LIMK2: variants seen among roughly 807,000 people sequenced by gnomAD.
LIMK2 encodes the protein LIM domain kinase 2.
Under a neutral mutation model 75.7 loss-of-function variants are expected in LIMK2, and 35 were observed. The ratio of observed to expected loss-of-function variants is 0.46; its 90% CI spans 0.35 to 0.61. LIMK2 has a LOEUF of 0.61. LIMK2 is among the 20% of genes least tolerant of loss of function. The pLI is 0.00. For missense variants in LIMK2, 623 were observed against 831.0 expected, an observed-to-expected ratio of 0.75 and a Z score of 3.08; for synonymous variants, 301 against 319.2, an observed-to-expected ratio of 0.94 and a Z score of 0.61.
In LIMK2 at chr22:31,262,889, G is replaced by C. The variant is rs1273782714; in HGVS notation, c.854+98G>C. On this transcript the variant is annotated intron_variant, in intron 7 of 15. Transcript: ENST00000331728. This position sits in a 1 kb window ranked among gnomAD's most constrained non-coding sequence, Gnocchi z 5.0. ...GCCTGCAGAGTTAGGAAAGGAACCA[G>C]CTGGCCAGGGACAGACTATGAGGAT... The C allele has an allele frequency of 9.0e-7, 1 of 1,115,124 alleles. No homozygotes were observed. The highest frequency in any genetic ancestry group is 2.7e-5 in the East Asian group (1 of 37,234). 69.1% of individuals were successfully genotyped at this position (1,115,124 alleles called of 1,614,324 possible).
intron 2 of LIMK2, among the ~76,000 whole-genome samples, chr22:31,253,610 T>C (rs1459431738): frequency 6.6e-6 from 1 of 152,256 alleles, no homozygotes; most frequent in Non-Finnish European, 1.5e-5. Context: ...GAGGCTCAGC[T>C]GTTGAGATGT....
rs367613402 is a variant in LIMK2, at chr22:31,248,880, G to T, written c.117-9411G>T. 2.6e-5 allele frequency: 31 copies of T among 1,189,540 alleles called. No homozygotes were observed. The Middle Eastern group carries it at 6.3e-4, about 24-fold the overall frequency. 73.7% of individuals were successfully genotyped at this position (1,189,540 alleles called of 1,614,324 possible). ...TTAGTCCTTTACCATCGGTTCTGCCGGGCAGAAGCCAGCGGAGGTTATACC... is the reference window on the plus strand; with the variant it reads ...TTAGTCCTTTACCATCGGTTCTGCCTGGCAGAAGCCAGCGGAGGTTATACC... On this transcript the variant is annotated intron_variant, in intron 2 of 15. Coordinates refer to ENST00000331728, the MANE Select transcript of LIMK2 (RefSeq NM_005569.4).
rs139828174 is a variant in LIMK2 at position 31,226,766 on chromosome 22, C to A, written c.116+947C>A. On this transcript the variant is annotated intron_variant, in intron 2 of 15. Coordinates refer to ENST00000331728, the MANE Select transcript of LIMK2 (RefSeq NM_005569.4). ...GTGGGACTCCAGGCACCTGCCACCA[C>A]GCCCAGCTAATTTTTGTATTTTTAG... Among the ~76,000 whole-genome samples, 1,395 of 152,262 alleles carry A rather than the reference C, an allele frequency of 9.2e-3. 6 individuals carry two copies. Among genetic ancestry groups the A allele is most frequent in the Non-Finnish European group, 9.4e-3 (639 of 68,010 alleles).
intron 12 of LIMK2, 25 bp downstream of exon 12, chr22:31,271,226 G>A: frequency 1.2e-6 from 2 of 1,605,038 alleles, no homozygotes; most frequent in East Asian, 2.2e-5. Flanking sequence ...TCTGGGCCTG[G>A]CCTCCAGGGT....
At chr22:31,260,526 G>A (rs913921648) in intron 5 of LIMK2, among the ~76,000 whole-genome samples, 1 of 152,180 alleles carries the variant, frequency 6.6e-6, no homozygotes, top group Non-Finnish European at 1.5e-5. Flanking sequence ...AGAAAATGTG[G>A]TCCATGGCCC....
At chr22:31,276,563 C>G (rs975596314) in intron 15 of LIMK2, among the ~76,000 whole-genome samples, 4 of 145,580 alleles carry the variant, frequency 2.7e-5, no homozygotes, top group Non-Finnish European at 6.1e-5. Flanking sequence ...GCTGCAGCTG[C>G]CCCCGGGCGC....
chr22:31,240,258 A>G (rs768606526), intron 2 of LIMK2, among the ~76,000 whole-genome samples: 10 of 152,118 alleles, frequency 6.6e-5, no homozygotes, highest in Non-Finnish European at 1.3e-4. Flanking sequence ...GATGCCCTAT[A>G]GAGATTTTGC....
chr22:31,264,978 G>A (rs536996096), intron 7 of LIMK2, among the ~76,000 whole-genome samples: 1 of 152,234 alleles, frequency 6.6e-6, no homozygotes, highest in African/African-American at 2.4e-5. Flanking sequence ...TGGATCGCGA[G>A]ATCAGGAGTT....
At chr22:31,228,634 T>C (rs1007664083) in intron 2 of LIMK2, among the ~76,000 whole-genome samples, 2 of 151,984 alleles carry the variant, frequency 1.3e-5, no homozygotes, top group Admixed American at 6.5e-5. Context: ...ATCTGACATA[T>C]AGAAAACTCT....
intron 14 of LIMK2, among the ~76,000 whole-genome samples, chr22:31,274,075 G>A (rs1382835244): frequency 6.6e-6 from 1 of 151,500 alleles, no homozygotes; most frequent in Non-Finnish European, 1.5e-5. Context: ...GGTCGATAAG[G>A]GGCAGATGAG....
intron 1 of LIMK2, among the ~76,000 whole-genome samples, chr22:31,220,916 A>T (rs866520444): frequency 3.1e-4 from 47 of 152,182 alleles, no homozygotes; most frequent in African/African-American, 1.0e-3. Context: ...GTGAGCCGAG[A>T]TTGTGCCATT....
At chr22:31,223,560 A>G (rs1022385557) in intron 1 of LIMK2, among the ~76,000 whole-genome samples, 1 of 152,206 alleles carries the variant, frequency 6.6e-6, no homozygotes, top group African/African-American at 2.4e-5. Context: ...TACATGTAAG[A>G]GTTCCAAAAA....
Position 31,275,252 on chromosome 22 carries a change from TCC to T in LIMK2, c.1720_1721del (p.Pro574GlyfsTer15), listed in dbSNP as rs768998283. On this transcript the variant is annotated frameshift_variant, in exon 15 of 16. Transcript: ENST00000331728. LOFTEE classifies it high-confidence loss of function. Reference sequence around the variant, plus strand: ...GGGAGAAGTTTGTTCCCACAGATTGTCCCCCGGCCTTCTTCCCGCTGGCCGCC... The same window carrying T: ...GGGAGAAGTTTGTTCCCACAGATTGTCCCGGCCTTCTTCCCGCTGGCCGCC... ...FWEKFVPTDC[P>X]PAFFPLAAIC... 6.2e-7 allele frequency: 1 copy of T among 1,614,218 alleles called. No individual in the cohort carries two copies.
intron 15 of LIMK2, chr22:31,277,302 T>C: frequency 6.9e-7 from 1 of 1,454,216 alleles, no homozygotes; most frequent in Non-Finnish European, 9.0e-7. Context: ...CCCTCAGTTT[T>C]CCACTTTTGG....
At chr22:31,271,750 C>T (rs1212186273) in intron 12 of LIMK2, among the ~76,000 whole-genome samples, 1 of 152,180 alleles carries the variant, frequency 6.6e-6, no homozygotes, top group Non-Finnish European at 1.5e-5. Flanking sequence ...CATTCCTTTC[C>T]CACATGACTG....
chr22:31,268,059 C>G, intron 10 of LIMK2, 85 bp from the exon 11 acceptor site: 1 of 1,526,416 alleles, frequency 6.6e-7, no homozygotes, highest in East Asian at 2.3e-5. Flanking sequence ...GGAGGCTTCA[C>G]TGGGAGACCA....
At chr22:31,216,741 T>A (rs971596551) in intron 1 of LIMK2, among the ~76,000 whole-genome samples, 1 of 152,270 alleles carries the variant, frequency 6.6e-6, no homozygotes, top group East Asian at 1.9e-4. Context: ...TCCACATTCA[T>A]GGTGGATTTT....
At chr22:31,251,134 TC>T (rs2048721724) in intron 2 of LIMK2, among the ~76,000 whole-genome samples, 1 of 152,248 alleles carries the variant, frequency 6.6e-6, no homozygotes, top group African/African-American at 2.4e-5. Context: ...CCACTGTGCT[TC>T]CAAGTAAGAA....
chr22:31,277,361 C>T lies in LIMK2; in HGVS notation c.1773-936C>T, dbSNP rs143178912. The T allele has an allele frequency of 3.9e-3, 5,350 of 1,379,792 alleles. 15 individuals carry two copies. Among genetic ancestry groups the T allele is most frequent in the Non-Finnish European group, 4.6e-3 (4,871 of 1,069,870 alleles). 85.5% of individuals were successfully genotyped at this position (1,379,792 alleles called of 1,614,324 possible). A position where few individuals can be genotyped will look rare whatever the true frequency, so the allele number is the denominator to read the frequency against. On this transcript the variant is annotated intron_variant, in intron 15 of 15. Coordinates refer to ENST00000331728, the MANE Select transcript of LIMK2 (RefSeq NM_005569.4). ...ATGGGACTTTGTGTTTTTATATTGA[C>T]TCTGCGGCACGGGCCCTTTAATAAA...
Sources: gnomAD v4.1 joint callset for allele counts (sites outside exome capture counted in the v4.1 genomes callset) on GRCh38, gnomAD v4.1.1 for gene constraint, Gnocchi (gnomAD v3.1) non-coding constraint, MANE v1.5 for transcripts, NCBI Gene and HGNC (gene_info 2026-07-23, HGNC 2026-07-21) for gene names.